The following DMXL1 variants were observed in gnomAD, a reference collection of about 807,000 sequenced individuals.
DMXL1 encodes Dmx like 1.
Under a neutral mutation model 319.2 loss-of-function variants are expected in DMXL1, and 99 were observed. The observed-to-expected ratio is 0.31, with a 90% CI of 0.26 to 0.37. The LOEUF is 0.37. Ranked by LOEUF, DMXL1 falls within the 10% of genes least tolerant of loss-of-function variation. The pLI is 1.00. For missense variants in DMXL1, 3,745 were observed against 3,595.6 expected (o/e 1.04, Z -1.06); for synonymous variants, 1,385 against 1,235.2 (o/e 1.12, Z -2.54).
chr5:119,177,116 G>C (rs1040297813), intron 26 of DMXL1, among the ~76,000 whole-genome samples: 1 of 151,964 alleles, frequency 6.6e-6, no homozygotes, highest in Non-Finnish European at 1.5e-5. Context: ...GGTACATAGC[G>C]ATTTAGTTTT....
chr5:119,095,838 A>AT lies in DMXL1; in HGVS notation c.88-2134dup, dbSNP rs200937890. On this transcript the variant is annotated intron_variant, in intron 1 of 43. Coordinates refer to ENST00000539542, the MANE Select transcript of DMXL1 (RefSeq NM_001290321.3). ...ATATAGGAGAGGAGATCATCATGTG[A>AT]TTTTTTTGTTTGTTTGAGCCAGTTC... Among the ~76,000 whole-genome samples the AT allele has an allele frequency of 4.4e-3, 677 of 152,258 alleles. 4 individuals are homozygous for AT. The highest frequency in any genetic ancestry group is 0.015 in the African/African-American group (616 of 41,556).
intron 34 of DMXL1, among the ~76,000 whole-genome samples, chr5:119,216,094 C>CAA (rs773591355): frequency 0.088 from 3,271 of 37,354 alleles, 1,087 homozygotes; most frequent in Middle Eastern, 0.25. Flanking sequence ...GCATCCATCT[C>CAA]AAAAAAAAAA....
intron 38 of DMXL1, among the ~76,000 whole-genome samples, chr5:119,228,833 A>G (rs1786100288): frequency 1.3e-5 from 2 of 152,186 alleles, no homozygotes; most frequent in South Asian, 4.1e-4. Flanking sequence ...ATTAAAAGAC[A>G]TCAAAGGCAA....
At chr5:119,216,545 A>T (rs1370897965) in intron 34 of DMXL1, among the ~76,000 whole-genome samples, 1 of 152,190 alleles carries the variant, frequency 6.6e-6, no homozygotes, top group Non-Finnish European at 1.5e-5. Context: ...AATTTTAAAA[A>T]ATAATATGAA....
intron 28 of DMXL1, among the ~76,000 whole-genome samples, chr5:119,184,946 C>T (rs527664376): frequency 5.6e-4 from 86 of 152,262 alleles, no homozygotes; most frequent in African/African-American, 2.0e-3. Context: ...GTAAGTACTA[C>T]TCTAGGGCAG....
At chr5:119,088,992 T>C (rs1344317386) in intron 1 of DMXL1, among the ~76,000 whole-genome samples, 1 of 151,966 alleles carries the variant, frequency 6.6e-6, no homozygotes, top group African/African-American at 2.4e-5. Context: ...ACAATTTTTT[T>C]TTTGCATATT....
chr5:119,177,311 TTA>T, intron 26 of DMXL1, 44 bp from the exon 27 acceptor site: 3 of 1,299,640 alleles, frequency 2.3e-6, no homozygotes, highest in Non-Finnish European at 3.1e-6. Flanking sequence ...CATGAAAATA[TTA>T]TATAAAATTT....
rs764306950 is a variant in DMXL1 at position 119,151,939 on chromosome 5, T to C, written c.4605T>C (p.Thr1535=). 1.9e-6 allele frequency: 3 copies of C among 1,612,050 alleles called. No homozygotes were observed. Among genetic ancestry groups the C allele is most frequent in the East Asian group, 2.2e-5 (1 of 44,786 alleles). ...ESRDRSQGGE[T]LDECGLKFLL... ...TTTCTCCCATTGCAGGTGGAGAAACTCTTGATGAATGTGGGTTAAAATTTC... is the reference window on the plus strand; with the variant it reads ...TTTCTCCCATTGCAGGTGGAGAAACCCTTGATGAATGTGGGTTAAAATTTC... Residue 1535 remains threonine, a synonymous_variant, in exon 19 of 44, where the codon ACT becomes ACC. Coordinates refer to ENST00000539542, the MANE Select transcript of DMXL1 (RefSeq NM_001290321.3).
Position 119,164,520 on chromosome 5 carries a change from T to C in DMXL1, c.4716T>C (p.Ser1572=), listed in dbSNP as rs879019850. 4 of 1,613,986 alleles carry C rather than the reference T, an allele frequency of 2.5e-6. No homozygotes were observed. The South Asian group carries it at 3.3e-5, about 13-fold the overall frequency. ...ACATTTCTTCAGGCCTGTCTACAAG[T>C]CATTTTGCTTGGGCATTTCACTCAG... The part of the protein sequence containing the change: ...AQLLHQGLST[S]HFAWAFHSVA... Residue 1572 remains serine (S), a synonymous_variant, in exon 20 of 44, where the codon AGT becomes AGC. Transcript: ENST00000539542.
intron 17 of DMXL1, among the ~76,000 whole-genome samples, chr5:119,148,268 G>A (rs1015720064): frequency 1.4e-4 from 22 of 152,248 alleles, no homozygotes; most frequent in Non-Finnish European, 3.1e-4. Flanking sequence ...AAATGTGAAA[G>A]AGAAGGAGCC....
intron 21 of DMXL1, among the ~76,000 whole-genome samples, chr5:119,166,178 GA>G (rs1263888592): frequency 6.6e-6 from 1 of 152,126 alleles, no homozygotes; most frequent in Non-Finnish European, 1.5e-5. Flanking sequence ...ACCTTTGGGG[GA>G]AAAATCACGA....
chr5:119,106,125 A>C (rs1469219410), intron 4 of DMXL1, among the ~76,000 whole-genome samples: 1 of 152,130 alleles, frequency 6.6e-6, no homozygotes, highest in Non-Finnish European at 1.5e-5. Flanking sequence ...GGCTTTGTTC[A>C]CATATCTGGG....
chr5:119,242,528 A>G (rs1789015499), intron 42 of DMXL1, among the ~76,000 whole-genome samples: 1 of 152,132 alleles, frequency 6.6e-6, no homozygotes, highest in Admixed American at 6.6e-5. Context: ...TATTCTTAAG[A>G]TGTCAGTTCG....
In DMXL1 at chr5:119,220,484, T is replaced by TGCATA; in HGVS notation, c.8030_8034dup (p.Ile2679Ter). 1.9e-6 allele frequency: 3 copies of TGCATA among 1,613,776 alleles called. No homozygotes were observed. Among genetic ancestry groups the TGCATA allele is most frequent in the Non-Finnish European group, 2.5e-6 (3 of 1,179,870 alleles). On this transcript the variant is annotated frameshift_variant, in exon 36 of 44. Coordinates refer to ENST00000539542, the MANE Select transcript of DMXL1 (RefSeq NM_001290321.3). LOFTEE classifies it high-confidence loss of function. The stretch of plus-strand genomic sequence containing the variant: ...ACTTATTTTTCAGGCAAATAGAAAC[T>TGCATA]GCATAGCAATCGCTTCCAGTCATGA...
At chr5:119,104,868 A>G (rs2149814155) in intron 3 of DMXL1, among the ~76,000 whole-genome samples, 1 of 152,366 alleles carries the variant, frequency 6.6e-6, no homozygotes, top group East Asian at 1.9e-4. Context: ...AGCCACAGAC[A>G]CATTTAAAAT....
chr5:119,149,566 C>G lies in DMXL1; in HGVS notation c.3739C>G (p.Gln1247Glu), dbSNP rs372342601. The G allele has an allele frequency of 1.2e-6, 2 of 1,613,780 alleles. No homozygotes were observed. The highest frequency in any genetic ancestry group is 1.7e-5 in the Admixed American group (1 of 59,960). Reference sequence around the variant, plus strand: ...TTGCCAATGGCAACCATCTTCTAAACAAGAACCTGTTATAACAGATTCGTA... The same window carrying G: ...TTGCCAATGGCAACCATCTTCTAAAGAAGAACCTGTTATAACAGATTCGTA... ...VYCQWQPSSK[Q>E]EPVITDSYSG... The change falls in exon 18 of 44, where the codon CAA becomes GAA. Residue 1247 changes from glutamine (Q) to glutamate (E), a missense_variant. Gln to Glu is a conservative substitution (Grantham distance 29). This residue lies in a region of DMXL1 where 2,096 missense variants were observed against 1,985.4 expected (regional missense o/e 1.06). Coordinates refer to ENST00000539542, the MANE Select transcript of DMXL1 (RefSeq NM_001290321.3).
intron 42 of DMXL1, among the ~76,000 whole-genome samples, chr5:119,243,947 C>T (rs1789260397): frequency 6.6e-6 from 1 of 152,186 alleles, no homozygotes; most frequent in African/African-American, 2.4e-5. Flanking sequence ...TCAGGGACAA[C>T]TTACTTGGAA....
chr5:119,150,490 A>G, intron 18 of DMXL1, 69 bp downstream of exon 18: 1 of 1,468,860 alleles, frequency 6.8e-7, no homozygotes, highest in Non-Finnish European at 9.1e-7. Flanking sequence ...AATAATTTTT[A>G]TTAAAATGAT....
intron 34 of DMXL1, among the ~76,000 whole-genome samples, chr5:119,207,970 G>C (rs1037228419): frequency 1.3e-5 from 2 of 152,026 alleles, no homozygotes; most frequent in Non-Finnish European, 2.9e-5. Context: ...TTTCCAATGG[G>C]AATCCTTTGG....
Sources: gnomAD v4.1 joint callset for allele counts (sites outside exome capture counted in the v4.1 genomes callset) on GRCh38, gnomAD v4.1.1 for gene constraint, gnomAD v4.1.1 regional missense constraint, MANE v1.5 for transcripts, NCBI Gene and HGNC (gene_info 2026-07-23, HGNC 2026-07-21) for gene names.